Variants in CEP95 observed in about 807,000 individuals in gnomAD.
CEP95 encodes centrosomal protein 95.
A neutral mutation model predicts 111.2 loss-of-function variants in CEP95; 98 were observed. The observed-to-expected ratio is 0.88, with a 90% CI of 0.75 to 1.04. The LOEUF is 1.04. Among genes scored for constraint, CEP95 ranks in the 50% least tolerant of loss-of-function variants. The pLI, the probability that CEP95 is intolerant of heterozygous loss-of-function variation, is 0.00. For synonymous variants in CEP95, 323 were observed against 327.1 expected, an observed-to-expected ratio of 0.99 and a Z score of 0.14; for missense variants, 1,027 against 977.2, an observed-to-expected ratio of 1.05 and a Z score of -0.68.
At chr17:64,517,539 C>T (rs916871578) in intron 5 of CEP95, among the ~76,000 whole-genome samples, 1 of 151,812 alleles carries the variant, frequency 6.6e-6, no homozygotes, top group Non-Finnish European at 1.5e-5. Context: ...TTGCCTGCCC[C>T]TCACCCCTGC....
chr17:64,521,646 T>G lies in CEP95; in HGVS notation c.715+119T>G, dbSNP rs1967346586. On this transcript the variant is annotated intron_variant, in intron 7 of 19. Coordinates refer to ENST00000556440, the MANE Select transcript of CEP95 (RefSeq NM_138363.3). The stretch of plus-strand genomic sequence containing the variant: ...TGAGATCCTTTTTGGTCTTACATGA[T>G]CTTACTTGTAAATGTTTGCTATTAA... 24 of 822,348 alleles carry G rather than the reference T, an allele frequency of 2.9e-5. No homozygotes were observed. In the South Asian group the frequency reaches 5.6e-4, roughly 19 times the overall value. 50.9% of individuals were successfully genotyped at this position (822,348 alleles called of 1,614,324 possible). A position where few individuals can be genotyped will look rare whatever the true frequency, so the allele number is the denominator to read the frequency against.
intron 8 of CEP95, among the ~76,000 whole-genome samples, chr17:64,523,656 A>G (rs1967557051): frequency 6.6e-6 from 1 of 152,140 alleles, no homozygotes; most frequent in African/African-American, 2.4e-5. Context: ...GCTCACACCC[A>G]TAATCCCAGC....
intron 14 of CEP95, 194 bp downstream of exon 14, chr17:64,532,216 G>T: frequency 8.0e-7 from 1 of 1,256,912 alleles, no homozygotes; most frequent in South Asian, 3.1e-5. Context: ...ACTTCAGGGA[G>T]GCCTATATAT....
intron 17 of CEP95, chr17:64,536,198 C>A (rs782499473): frequency 1.9e-5 from 3 of 154,902 alleles, no homozygotes; most frequent in African/African-American, 7.2e-5. Flanking sequence ...CTCAGTGGCT[C>A]ACGCCTGTAA....
intron 14 of CEP95, 123 bp from the exon 15 acceptor site, chr17:64,532,716 A>C (rs1034731320): frequency 6.9e-7 from 1 of 1,457,680 alleles, no homozygotes; most frequent in Middle Eastern, 2.3e-4. Context: ...TTATAAGTAC[A>C]TTTAGAATTG....
rs1218209968 is a variant in CEP95, at chr17:64,537,517, G to C, written c.2290-86G>C. ...ATTATTGAAAATTTTGGAGGAGTTT[G>C]ATTAGCTGGAAGATGGAGAGGGAAC... On this transcript the variant is annotated intron_variant, in intron 19 of 19. Coordinates refer to ENST00000556440, the MANE Select transcript of CEP95 (RefSeq NM_138363.3). 19 of 1,458,628 alleles carry C rather than the reference G, an allele frequency of 1.3e-5. No homozygotes were observed. In the East Asian group the frequency reaches 4.5e-4, roughly 35 times the overall value. The allele number at this position is 1,458,628 out of a possible 1,614,324, so 90.4% of individuals were successfully genotyped here. A position where few individuals can be genotyped will look rare whatever the true frequency, so the allele number is the denominator to read the frequency against.
chr17:64,519,348 C>A lies in CEP95; in HGVS notation c.501C>A (p.Gly167=), dbSNP rs1555677143. 1 of 1,613,594 alleles carries A rather than the reference C, an allele frequency of 6.2e-7. No individual in the cohort carries two copies. ...GCTCCTTGTCTTCTGAGATGTTGGGCCCCTCTTGGGATGGAGATGAAGCAG... is the reference window on the plus strand; with the variant it reads ...GCTCCTTGTCTTCTGAGATGTTGGGACCCTCTTGGGATGGAGATGAAGCAG... The part of the protein sequence containing the change: ...GRCSLSSEML[G]PSWDGDEAES... Residue 167 remains glycine, a synonymous_variant, in exon 6 of 20, where the codon GGC becomes GGA. Transcript: ENST00000556440.
At chr17:64,528,169 T>G (rs1378229056) in intron 11 of CEP95, among the ~76,000 whole-genome samples, 2 of 152,186 alleles carry the variant, frequency 1.3e-5, no homozygotes, top group African/African-American at 4.8e-5. Flanking sequence ...TGATATGCCA[T>G]TGTTCAAATC....
chr17:64,509,373 G>T (rs1184174174), intron 2 of CEP95, among the ~76,000 whole-genome samples: 2 of 152,094 alleles, frequency 1.3e-5, no homozygotes, highest in Non-Finnish European at 2.9e-5. Flanking sequence ...ATTCTAGTTG[G>T]CTATTCAAAA....
intron 4 of CEP95, 28 bp downstream of exon 4, chr17:64,514,386 G>C (rs2039038197): frequency 9.2e-7 from 1 of 1,092,742 alleles, no homozygotes; most frequent in South Asian, 1.4e-5. Flanking sequence ...AATTTGGTTT[G>C]GTTTACCTTT....
At chr17:64,532,213 G>A in intron 14 of CEP95, 191 bp downstream of exon 14, 1 of 1,272,108 alleles carries the variant, frequency 7.9e-7, no homozygotes, top group Non-Finnish European at 9.9e-7. Context: ...AGTACTTCAG[G>A]GAGGCCTATA....
chr17:64,516,607 G>C (rs1483098746), intron 4 of CEP95, 116 bp from the exon 5 acceptor site: 8 of 513,416 alleles, frequency 1.6e-5, no homozygotes, highest in African/African-American at 1.6e-4. Flanking sequence ...CTAGAACCCT[G>C]TTTACCATGG....
At position 64,514,351 on chromosome 17, in the gene CEP95, T is replaced by C; in HGVS notation, c.360T>C (p.His120=). The C allele has an allele frequency of 6.9e-7, 1 of 1,451,906 alleles. No individual in the cohort carries two copies. The highest frequency in any genetic ancestry group is 9.5e-7 in the Non-Finnish European group (1 of 1,056,894). The allele number at this position is 1,451,906 out of a possible 1,614,324, so 89.9% of individuals were successfully genotyped here. A position where few individuals can be genotyped will look rare whatever the true frequency, so the allele number is the denominator to read the frequency against. ...YLTERISETS[H]EKSETEQYFK... The stretch of plus-strand genomic sequence containing the variant: ...CAGAACGCATCAGTGAAACATCTCA[T>C]GAGAAAAGTAAGTTTAAGAATGGAA... The change falls in exon 4 of 20, where the codon CAT becomes CAC. Residue 120 remains histidine (H), a synonymous_variant. Coordinates refer to ENST00000556440, the MANE Select transcript of CEP95 (RefSeq NM_138363.3).
In CEP95 at chr17:64,527,870, G is replaced by GTATA. The variant is rs376144614; in HGVS notation, c.1306+625_1306+628dup. On this transcript the variant is annotated intron_variant, in intron 11 of 19. Coordinates refer to ENST00000556440, the MANE Select transcript of CEP95 (RefSeq NM_138363.3). ...CCACTTAATGTGTGTGTGTGTGTGT[G>GTATA]TATATATATATATATATATATACAC... 5.8e-3 allele frequency among the ~76,000 whole-genome samples: 657 copies of GTATA among 112,598 alleles called. 8 individuals carry two copies. Among genetic ancestry groups the GTATA allele is most frequent in the South Asian group, 0.012 (38 of 3,140 alleles). The allele number at this position is 112,598 out of a possible 152,430, so 73.9% of individuals were successfully genotyped here.
Position 64,536,766 on chromosome 17 carries a change from G to C in CEP95, c.2217+18G>C, listed in dbSNP as rs200880953. Reference sequence around the variant, plus strand: ...AGGACCAGGTGGGCTCCTGGCACTTGCTTACGCTGTTGTGCTTAGTCCTGA... The same window carrying C: ...AGGACCAGGTGGGCTCCTGGCACTTCCTTACGCTGTTGTGCTTAGTCCTGA... On this transcript the variant is annotated intron_variant, in intron 18 of 19. Transcript: ENST00000556440. 1 of 1,589,150 alleles carries C rather than the reference G, an allele frequency of 6.3e-7. No homozygotes were observed. The highest frequency in any genetic ancestry group is 2.2e-5 in the East Asian group (1 of 44,774).
At position 64,534,613 on chromosome 17, in the gene CEP95, A is replaced by G; in HGVS notation, c.1946A>G (p.Gln649Arg). The change falls in exon 17 of 20, where the codon CAA becomes CGA. Residue 649 changes from glutamine (Q) to arginine (R), a missense_variant. Coordinates refer to ENST00000556440, the MANE Select transcript of CEP95 (RefSeq NM_138363.3). ...LQDFKDCIRR[Q>R]RLTQSKIKEN... ...GACTTCAAGGACTGCATTCGTAGGCAAAGGTTGACCCAATCAAAGATAAAA... is the reference window on the plus strand; with the variant it reads ...GACTTCAAGGACTGCATTCGTAGGCGAAGGTTGACCCAATCAAAGATAAAA... 1.2e-6 allele frequency: 2 copies of G among 1,613,946 alleles called. No individual in the cohort carries two copies. The highest frequency in any genetic ancestry group is 1.7e-6 in the Non-Finnish European group (2 of 1,179,826).
intron 10 of CEP95, 70 bp from the exon 11 acceptor site, chr17:64,527,041 T>G: frequency 7.7e-7 from 1 of 1,295,452 alleles, no homozygotes; most frequent in Non-Finnish European, 1.1e-6. Context: ...TTTTTAAAGG[T>G]CTGCCTACTC....
chr17:64,532,035 G>A lies in CEP95; in HGVS notation c.1672+13G>A. 2 of 1,549,296 alleles carry A rather than the reference G, an allele frequency of 1.3e-6. No homozygotes were observed. Among genetic ancestry groups the A allele is most frequent in the Non-Finnish European group, 1.7e-6 (2 of 1,155,410 alleles). On this transcript the variant is annotated intron_variant, in intron 14 of 19. Coordinates refer to ENST00000556440, the MANE Select transcript of CEP95 (RefSeq NM_138363.3). ...AAAGCAGTTCCAAGTAAGAACCACA[G>A]AATTGTACTTTATGGAAAACTGGCA...
At chr17:64,526,243 A>T (rs184914853) in intron 10 of CEP95, 43 bp downstream of exon 10, 76 of 1,550,604 alleles carry the variant, frequency 4.9e-5, no homozygotes, top group Non-Finnish European at 6.3e-5. Flanking sequence ...CCCATGGGTT[A>T]AGTGAGCATT....
Sources: gnomAD v4.1 joint callset for allele counts (sites outside exome capture counted in the v4.1 genomes callset) on GRCh38, gnomAD v4.1.1 for gene constraint, MANE v1.5 for transcripts, NCBI Gene and HGNC (gene_info 2026-07-23, HGNC 2026-07-21) for gene names.